Variants in SLC44A5 observed in about 807,000 individuals in gnomAD.
The protein encoded by SLC44A5 is solute carrier family 44 member 5, also known as choline transporter-like protein 5.
Under a neutral mutation model 101.8 loss-of-function variants are expected in SLC44A5, and 57 were observed. The ratio of observed to expected loss-of-function variants is 0.56; its 90% confidence interval spans 0.45 to 0.70. SLC44A5 has a LOEUF of 0.70. Ranked by LOEUF, SLC44A5 falls within the 30% of genes least tolerant of loss-of-function variation. The pLI is 0.00. For missense variants in SLC44A5, 737 were observed against 853.1 expected (o/e 0.86, Z 1.70); for synonymous variants, 281 against 290.9 (o/e 0.97, Z 0.35).
At chr1:75,614,484 C>T (rs1339819661), upstream of SLC44A5, among the ~76,000 whole-genome samples, 1 of 152,166 alleles carries the variant, frequency 6.6e-6, no homozygotes, top group Non-Finnish European at 1.5e-5. Flanking sequence ...CCAGTAAGTG[C>T]TTTGAGTACT....
the SLC44A5 span, among the ~76,000 whole-genome samples, chr1:75,616,850 T>A: frequency 2.6e-5 from 4 of 152,208 alleles, no homozygotes; most frequent in South Asian, 8.3e-4. Flanking sequence ...AAGAGGGAAG[T>A]TCACGCTCTC....
intron 4 of SLC44A5, among the ~76,000 whole-genome samples, chr1:75,327,896 C>G (rs1656727897): frequency 6.6e-6 from 1 of 152,192 alleles, no homozygotes; most frequent in South Asian, 2.1e-4. Flanking sequence ...TCTTTCTTTG[C>G]CCAGGTTCTC....
At chr1:75,393,955 C>T (rs1272877950) in intron 3 of SLC44A5, among the ~76,000 whole-genome samples, 1 of 151,966 alleles carries the variant, frequency 6.6e-6, no homozygotes, top group Non-Finnish European at 1.5e-5. Context: ...TAAATAAGTC[C>T]AGGGCAAGAA....
At chr1:75,667,355 G>A in the SLC44A5 span, among the ~76,000 whole-genome samples, 1 of 151,998 alleles carries the variant, frequency 6.6e-6, no homozygotes, top group Non-Finnish European at 1.5e-5. Context: ...AAATACCTAG[G>A]AATCCAACAT....
At chr1:75,408,609 C>A (rs1663061166) in intron 2 of SLC44A5, among the ~76,000 whole-genome samples, 1 of 151,072 alleles carries the variant, frequency 6.6e-6, no homozygotes, top group South Asian at 2.1e-4. Flanking sequence ...AACACAGGAA[C>A]AGAAAACCAA....
chr1:75,302,112 G>GTTTTTT (rs10684140), intron 4 of SLC44A5, among the ~76,000 whole-genome samples: 1,792 of 60,140 alleles, frequency 0.03, 276 homozygotes, highest in African/African-American at 0.067. Context: ...TAGTTTTTTT[G>GTTTTTT]TTTTTTTTTT....
chr1:75,241,044 A>G (rs1007026603), intron 9 of SLC44A5, among the ~76,000 whole-genome samples: 1 of 150,424 alleles, frequency 6.6e-6, no homozygotes, highest in Non-Finnish European at 1.5e-5. Flanking sequence ...ATAATTCTAA[A>G]ATATTTCATT....
intron 3 of SLC44A5, among the ~76,000 whole-genome samples, chr1:75,350,635 C>T (rs1208677578): frequency 6.6e-6 from 1 of 151,486 alleles, no homozygotes; most frequent in Non-Finnish European, 1.5e-5. Flanking sequence ...TGGCTCACGC[C>T]TGTAATCCCA....
the SLC44A5 span, among the ~76,000 whole-genome samples, chr1:75,682,613 A>T: frequency 6.6e-6 from 1 of 152,010 alleles, no homozygotes; most frequent in South Asian, 2.1e-4. Context: ...TTCAAGATGG[A>T]TTAGAGACTT....
chr1:75,626,088 A>G, the SLC44A5 span, among the ~76,000 whole-genome samples: 2 of 152,172 alleles, frequency 1.3e-5, no homozygotes, highest in Admixed American at 1.3e-4. Flanking sequence ...AATAATTAAG[A>G]AAACATTGAA....
At chr1:75,684,748 C>T in the SLC44A5 span, among the ~76,000 whole-genome samples, 11 of 152,302 alleles carry the variant, frequency 7.2e-5, no homozygotes, top group Admixed American at 5.2e-4. Context: ...TGGCTTCTTT[C>T]ACAGGCTGGT....
intron 1 of SLC44A5, among the ~76,000 whole-genome samples, chr1:75,603,605 A>T (rs1180981319): frequency 6.6e-6 from 1 of 151,948 alleles, no homozygotes; most frequent in African/African-American, 2.4e-5. Context: ...AACAGTGTAT[A>T]TATGCTTATA....
intron 1 of SLC44A5, among the ~76,000 whole-genome samples, chr1:75,592,424 G>A (rs539917622): frequency 3.7e-4 from 57 of 152,104 alleles, no homozygotes; most frequent in African/African-American, 1.4e-3. Flanking sequence ...ACTATGCAAA[G>A]CAATCTACAG....
At chr1:75,221,088 A>C (rs961166214) in intron 14 of SLC44A5, among the ~76,000 whole-genome samples, 12 of 152,208 alleles carry the variant, frequency 7.9e-5, no homozygotes, top group Non-Finnish European at 1.8e-4. Flanking sequence ...TAAACCCAGA[A>C]AATCAGTAGT....
At chr1:75,253,759 T>C (rs970192528) in intron 6 of SLC44A5, among the ~76,000 whole-genome samples, 1 of 152,192 alleles carries the variant, frequency 6.6e-6, no homozygotes, top group Non-Finnish European at 1.5e-5. Context: ...TGCAAACTGC[T>C]ATGTAAACTC....
chr1:75,372,398 T>C (rs1406671432), intron 3 of SLC44A5, among the ~76,000 whole-genome samples: 1 of 152,150 alleles, frequency 6.6e-6, no homozygotes, highest in Non-Finnish European at 1.5e-5. Context: ...TAATTAAGAT[T>C]ACAGGAGAAT....
At chr1:75,693,471 C>A in the SLC44A5 span, among the ~76,000 whole-genome samples, 1 of 152,180 alleles carries the variant, frequency 6.6e-6, no homozygotes, top group Admixed American at 6.5e-5. Context: ...ACTTTATTGT[C>A]TCTATCCCCT....
intron 2 of SLC44A5, among the ~76,000 whole-genome samples, chr1:75,496,215 TA>T (rs1296733417): frequency 6.6e-6 from 1 of 152,084 alleles, no homozygotes; most frequent in Non-Finnish European, 1.5e-5. Flanking sequence ...ACTACAAAGC[TA>T]TCCTAATCAA....
At chr1:75,616,651 C>A in the SLC44A5 span, among the ~76,000 whole-genome samples, 7 of 152,290 alleles carry the variant, frequency 4.6e-5, no homozygotes, top group Non-Finnish European at 8.8e-5. Context: ...AGCCCCGAAG[C>A]GCGCGGTTGC....
Sources: allele counts gnomAD v4.1 joint callset (sites outside exome capture counted in the v4.1 genomes callset), GRCh38; gene constraint gnomAD v4.1.1; transcripts MANE v1.5; gene names NCBI Gene and HGNC (gene_info 2026-07-23, HGNC 2026-07-21).